The following SLIT3 variants were observed in gnomAD, a reference collection of about 807,000 sequenced individuals.
SLIT3 encodes slit homolog 3 protein.
A neutral mutation model predicts 184.0 loss-of-function variants in SLIT3; 68 were observed. The observed-to-expected ratio is 0.37, with a 90% CI of 0.30 to 0.45. The LOEUF (loss-of-function observed/expected upper bound fraction) is 0.45. Among genes scored for constraint, SLIT3 ranks in the 20% least tolerant of loss-of-function variants. The probability of loss-of-function intolerance (pLI) is 1.00; values close to 1 mark genes in which losing one functional copy is unlikely to be tolerated. For missense variants in SLIT3, 1,707 were observed against 2,026.0 expected (o/e 0.84, Z 3.02); for synonymous variants, 831 against 828.6 (o/e 1.00, Z -0.05).
At chr5:168,842,232 C>A (rs527319028) in intron 6 of SLIT3, among the ~76,000 whole-genome samples, 2 of 152,222 alleles carry the variant, frequency 1.3e-5, no homozygotes, top group African/African-American at 4.8e-5. Context: ...AAATTAAAAA[C>A]CCATGGAATA....
chr5:168,728,722 C>A (rs1763209784), intron 20 of SLIT3, among the ~76,000 whole-genome samples: 2 of 151,858 alleles, frequency 1.3e-5, no homozygotes, highest in South Asian at 4.2e-4. Context: ...AATTTGAGAC[C>A]AGCCTGCGCA....
intron 3 of SLIT3, among the ~76,000 whole-genome samples, chr5:169,240,429 A>G (rs1338467437): frequency 6.6e-6 from 1 of 151,756 alleles, no homozygotes. Context: ...AGACACATAC[A>G]AATACAGATT....
At chr5:169,113,202 C>T (rs1760474569) in intron 4 of SLIT3, among the ~76,000 whole-genome samples, 1 of 152,150 alleles carries the variant, frequency 6.6e-6, no homozygotes, top group African/African-American at 2.4e-5. Context: ...ACTCTGGACC[C>T]ATTCAATAGC....
chr5:169,212,584 A>G (rs1175846532), intron 3 of SLIT3, among the ~76,000 whole-genome samples: 1 of 151,942 alleles, frequency 6.6e-6, no homozygotes, highest in African/African-American at 2.4e-5. Context: ...TCACTCTGAT[A>G]GTTTCTTTTG....
intron 4 of SLIT3, among the ~76,000 whole-genome samples, chr5:169,101,107 G>C (rs1759994607): frequency 1.3e-5 from 2 of 152,200 alleles, no homozygotes; most frequent in Admixed American, 6.5e-5. Context: ...ATGGGAGGCT[G>C]AAGTTAGTGT....
At chr5:168,884,250 C>A (rs1760081702) in intron 4 of SLIT3, among the ~76,000 whole-genome samples, 1 of 151,752 alleles carries the variant, frequency 6.6e-6, no homozygotes, top group Admixed American at 6.6e-5. Context: ...AGCGTGCAAA[C>A]TGGCCCTGCA....
intron 4 of SLIT3, among the ~76,000 whole-genome samples, chr5:169,088,996 G>C (rs1759449267): frequency 8.9e-6 from 1 of 112,282 alleles, no homozygotes; most frequent in African/African-American, 3.4e-5. Context: ...CTCCAGCCTG[G>C]GAGACAGAGC....
chr5:168,990,085 G>C (rs1755270063), intron 4 of SLIT3, among the ~76,000 whole-genome samples: 1 of 152,194 alleles, frequency 6.6e-6, no homozygotes, highest in Non-Finnish European at 1.5e-5. Flanking sequence ...CCATTCCCCT[G>C]AAGATGTGAG....
chr5:168,813,313 G>GA (rs34737518), intron 8 of SLIT3, among the ~76,000 whole-genome samples: 295 of 135,034 alleles, frequency 2.2e-3, no homozygotes, highest in Middle Eastern at 7.8e-3. Flanking sequence ...AGATAAGGAT[G>GA]AAAAAAAAAA....
chr5:168,675,871 AC>A (rs1280651794), intron 32 of SLIT3, among the ~76,000 whole-genome samples: 1 of 152,102 alleles, frequency 6.6e-6, no homozygotes, highest in Non-Finnish European at 1.5e-5. Context: ...GGAGCCCAGG[AC>A]CCACTCAAAT....
chr5:168,688,458 G>A (rs1283531101), intron 29 of SLIT3, among the ~76,000 whole-genome samples: 1 of 152,144 alleles, frequency 6.6e-6, no homozygotes, highest in Non-Finnish European at 1.5e-5. Context: ...GGATAGAAGT[G>A]GGGTGGAATC....
intron 4 of SLIT3, among the ~76,000 whole-genome samples, chr5:169,144,994 T>C (rs1561695276): frequency 6.6e-6 from 1 of 152,182 alleles, no homozygotes; most frequent in Non-Finnish European, 1.5e-5. Context: ...CTTCACCTTA[T>C]AATTACCGCC....
chr5:168,763,569 A>T (rs1755232909), intron 14 of SLIT3, among the ~76,000 whole-genome samples: 1 of 152,174 alleles, frequency 6.6e-6, no homozygotes, highest in Non-Finnish European at 1.5e-5. Flanking sequence ...TTTGAAAAGC[A>T]AATCTCCCGA....
chr5:168,762,221 C>G lies in SLIT3; in HGVS notation c.1610+318G>C, dbSNP rs559011470. Among the ~76,000 whole-genome samples the G allele has an allele frequency of 2.0e-5, 3 of 152,284 alleles. No individual in the cohort carries two copies. The South Asian group carries it at 6.2e-4, about 32-fold the overall frequency. ...TTTAGCACCCAACTTTCTGGTTTTA[C>G]TGTAAGCTCCGTAAGGGTTGGCAGG... On this transcript the variant is annotated intron_variant, in intron 15 of 35. Transcript: ENST00000519560.
chr5:169,159,298 T>C (rs1414313307), intron 4 of SLIT3, among the ~76,000 whole-genome samples: 1 of 152,200 alleles, frequency 6.6e-6, no homozygotes, highest in Admixed American at 6.5e-5. Flanking sequence ...TGGTGGCACA[T>C]GCCTGTAATC....
At chr5:169,156,302 T>C (rs1437493268) in intron 4 of SLIT3, among the ~76,000 whole-genome samples, 2 of 152,138 alleles carry the variant, frequency 1.3e-5, no homozygotes, top group Non-Finnish European at 2.9e-5. Flanking sequence ...GATAAATGCC[T>C]CCCAGAAAGC....
At chr5:168,965,226 T>C (rs1763145565) in intron 4 of SLIT3, among the ~76,000 whole-genome samples, 1 of 152,196 alleles carries the variant, frequency 6.6e-6, no homozygotes, top group South Asian at 2.1e-4. Flanking sequence ...TAAATATCTA[T>C]TGGAAGAAAA....
intron 1 of SLIT3, among the ~76,000 whole-genome samples, chr5:169,255,239 T>A (rs574613028): frequency 1.2e-4 from 19 of 152,294 alleles, no homozygotes; most frequent in African/African-American, 4.6e-4. Flanking sequence ...CTACTTATTT[T>A]AAAAAATAGT....
chr5:168,786,411 G>C (rs1756155743), intron 11 of SLIT3, among the ~76,000 whole-genome samples: 1 of 152,118 alleles, frequency 6.6e-6, no homozygotes, highest in Non-Finnish European at 1.5e-5. Flanking sequence ...TGCATCTTAG[G>C]AATTCCTAAG....
Sources: gnomAD v4.1 joint callset for allele counts (sites outside exome capture counted in the v4.1 genomes callset) on GRCh38, gnomAD v4.1.1 for gene constraint, MANE v1.5 for transcripts, NCBI Gene and HGNC (gene_info 2026-07-23, HGNC 2026-07-21) for gene names.